The following ZNF837 variants were observed in gnomAD, a reference collection of about 807,000 sequenced individuals.
ZNF837 encodes zinc finger protein 837.
For missense variants in ZNF837, 955 were observed against 801.7 expected (o/e 1.19, Z -2.31); for synonymous variants, 475 against 365.2 (o/e 1.30, Z -3.43).
chr19:58,368,626 G>A lies in ZNF837; in HGVS notation c.707C>T (p.Pro236Leu). The A allele has an allele frequency of 6.5e-7, 1 of 1,532,198 alleles. No homozygotes were observed. Among genetic ancestry groups the A allele is most frequent in the Non-Finnish European group, 8.7e-7 (1 of 1,144,092 alleles). 94.9% of individuals were successfully genotyped at this position (1,532,198 alleles called of 1,614,324 possible). ...CTTGCCCGCCTGCTGCTGCTGGTTG[G>A]GGCGGAAGCGCTTCCCGCACCGGGC... Reference protein sequence around the residue: ...PCARCGKRFRPNQQQQAGKSP... With the variant: ...PCARCGKRFRLNQQQQAGKSP... Residue 236 changes from proline (P) to leucine (L), a missense_variant, in exon 3 of 3, where the codon CCC (proline) becomes CTC (leucine). By Grantham distance (98) the Pro-to-Leu change is moderately conservative. Transcript: ENST00000597582.
At chr19:58,379,206 C>T (rs944865888) in intron 1 of ZNF837, among the ~76,000 whole-genome samples, 28 of 152,164 alleles carry the variant, frequency 1.8e-4, no homozygotes, top group African/African-American at 6.5e-4. Context: ...AACCAGCAGT[C>T]CCCACTTGGC....
chr19:58,376,645 T>C (rs1474714455), intron 1 of ZNF837, among the ~76,000 whole-genome samples: 1 of 143,612 alleles, frequency 7.0e-6, no homozygotes, highest in Admixed American at 6.8e-5. Context: ...TTTAAATCTC[T>C]AGGTAAAAAT....
intron 1 of ZNF837, among the ~76,000 whole-genome samples, chr19:58,380,199 T>C (rs974215354): frequency 2.0e-5 from 3 of 152,134 alleles, no homozygotes; most frequent in Admixed American, 2.0e-4. Flanking sequence ...GTGCACGCAA[T>C]GGGAAGAACA....
At chr19:58,375,770 T>TC (rs2052240188) in intron 1 of ZNF837, among the ~76,000 whole-genome samples, 1 of 150,192 alleles carries the variant, frequency 6.7e-6, no homozygotes, top group African/African-American at 2.5e-5. Flanking sequence ...TTTTTTTTTT[T>TC]AAAGCAGAAT....
intron 1 of ZNF837, among the ~76,000 whole-genome samples, chr19:58,370,719 A>C (rs1408955672): frequency 6.6e-6 from 1 of 150,732 alleles, no homozygotes; most frequent in African/African-American, 2.4e-5. Context: ...AACATAGAGA[A>C]ACCCCGTCTC....
chr19:58,369,149 C>G lies in ZNF837; in HGVS notation c.184G>C (p.Gly62Arg). 1.4e-6 allele frequency: 2 copies of G among 1,454,750 alleles called. No homozygotes were observed. The highest frequency in any genetic ancestry group is 1.4e-5 in the South Asian group (1 of 69,966). The allele number at this position is 1,454,750 out of a possible 1,614,324, so 90.1% of individuals were successfully genotyped here. A position where few individuals can be genotyped will look rare whatever the true frequency, so the allele number is the denominator to read the frequency against. Residue 62 changes from glycine (G) to arginine (R), a missense_variant, in exon 3 of 3, where the codon GGC becomes CGC. Physicochemically the swap from Gly to Arg is moderately radical, Grantham distance 125. Transcript: ENST00000597582. The part of the protein sequence containing the change: ...GAAGGRTTPP[G>R]GGSRGCSLGV... ...AGGCTGCAGCCCCGGGAGCCCCCGC[C>G]TGGGGGAGTCGTCCTACCGCCCGCC...
chr19:58,373,835 C>T (rs1361777227), intron 1 of ZNF837, among the ~76,000 whole-genome samples: 1 of 152,256 alleles, frequency 6.6e-6, no homozygotes, highest in African/African-American at 2.4e-5. Context: ...ACAAGGGAAG[C>T]TTTCTCCAGA....
intron 1 of ZNF837, among the ~76,000 whole-genome samples, chr19:58,373,937 T>C (rs1478715348): frequency 6.6e-6 from 1 of 152,236 alleles, no homozygotes; most frequent in Non-Finnish European, 1.5e-5. Context: ...CACCCAGGAC[T>C]GGCAAAGCTG....
At chr19:58,373,972 C>T (rs1042720846) in intron 1 of ZNF837, among the ~76,000 whole-genome samples, 2 of 152,244 alleles carry the variant, frequency 1.3e-5, no homozygotes, top group Non-Finnish European at 2.9e-5. Flanking sequence ...TATCATGGGG[C>T]TCCCCCACTG....
intron 1 of ZNF837, among the ~76,000 whole-genome samples, chr19:58,379,799 C>T (rs2052275477): frequency 6.6e-6 from 1 of 152,190 alleles, no homozygotes; most frequent in African/African-American, 2.4e-5. Flanking sequence ...ATGGAGGTTG[C>T]ACACGGCACA....
chr19:58,373,173 G>A (rs971716746), intron 1 of ZNF837, among the ~76,000 whole-genome samples: 3 of 152,150 alleles, frequency 2.0e-5, no homozygotes, highest in African/African-American at 7.2e-5. Flanking sequence ...GAGACTTCCC[G>A]GAGCCAGATG....
intron 1 of ZNF837, among the ~76,000 whole-genome samples, chr19:58,371,888 A>G (rs1490406486): frequency 2.7e-5 from 4 of 149,656 alleles, no homozygotes; most frequent in Non-Finnish European, 5.9e-5. Flanking sequence ...TGTCTGGCTA[A>G]TTTTTTGTAT....
chr19:58,375,092 A>C (rs8112556), intron 1 of ZNF837, among the ~76,000 whole-genome samples: 136,310 of 148,036 alleles, frequency 0.92, 62,848 homozygotes, highest in Non-Finnish European at 0.95. Context: ...AACCCTGTCT[A>C]TACTAAAAAT....
rs149314076 is a variant in ZNF837 at position 58,367,650 on chromosome 19, A to T, written c.*87T>A. Reference sequence around the variant, plus strand: ...TACAAAGTGAAGTTTAATCAAAGTTACAAACGTTGGTGGGTTTTCCGGGAC... The same window carrying T: ...TACAAAGTGAAGTTTAATCAAAGTTTCAAACGTTGGTGGGTTTTCCGGGAC... On this transcript the variant is annotated 3_prime_UTR_variant, in exon 3 of 3. Transcript: ENST00000597582. The T allele has an allele frequency of 3.5e-4, 493 of 1,413,796 alleles. 1 individual carries two copies. The African/African-American group carries it at 6.2e-3, about 18-fold the overall frequency. 87.6% of individuals were successfully genotyped at this position (1,413,796 alleles called of 1,614,324 possible).
intron 2 of ZNF837, 108 bp downstream of exon 2, chr19:58,369,707 TCTCA>T (rs963169702): frequency 5.5e-6 from 1 of 180,944 alleles, no homozygotes; most frequent in African/African-American, 2.4e-5. Flanking sequence ...CTCCCCAAAA[TCTCA>T]CTTACTCCTG....
intron 1 of ZNF837, among the ~76,000 whole-genome samples, chr19:58,374,489 A>G (rs2052225653): frequency 6.6e-6 from 1 of 152,214 alleles, no homozygotes; most frequent in Non-Finnish European, 1.5e-5. Context: ...GCAAATCCAC[A>G]GAGACAGAAA....
intron 1 of ZNF837, among the ~76,000 whole-genome samples, chr19:58,374,702 G>A (rs1231912620): frequency 3.9e-5 from 6 of 152,124 alleles, no homozygotes; most frequent in African/African-American, 7.2e-5. Flanking sequence ...TTTGGGAGGC[G>A]AAGGTGGGAA....
At chr19:58,375,775 C>T (rs1242989577) in intron 1 of ZNF837, among the ~76,000 whole-genome samples, 1 of 143,134 alleles carries the variant, frequency 7.0e-6, no homozygotes, top group Non-Finnish European at 1.5e-5. Context: ...TTTTTTAAAG[C>T]AGAATGCACC....
In ZNF837 at chr19:58,368,083, T is replaced by C; in HGVS notation, c.1250A>G (p.Lys417Arg). The C allele has an allele frequency of 6.4e-7, 1 of 1,552,058 alleles. No homozygotes were observed. The highest frequency in any genetic ancestry group is 1.2e-5 in the South Asian group (1 of 84,916). ...TTCGCACAGTGGGCACGCGTAGGGC[T>C]TGGCGCTGCTGTGAGTGCGCTGGTG... ...SRHQRTHSSA[K>R]PYACPLCEKA... is the part of the protein sequence containing the mutation. The change falls in exon 3 of 3, where the codon AAG (lysine) becomes AGG (arginine). Residue 417 changes from lysine (K) to arginine (R), a missense_variant. Coordinates refer to ENST00000597582, the MANE Select transcript of ZNF837 (RefSeq NM_138466.2).
Sources: gnomAD v4.1 joint callset for allele counts (sites outside exome capture counted in the v4.1 genomes callset) on GRCh38, gnomAD v4.1.1 for gene constraint, MANE v1.5 for transcripts, NCBI Gene and HGNC (gene_info 2026-07-23, HGNC 2026-07-21) for gene names.